FRS3: variants seen among roughly 807,000 people sequenced by gnomAD.
FRS3 encodes the protein fibroblast growth factor receptor substrate 3, also known as FGFR substrate 3.
FRS3 carries 17 observed loss-of-function variants against 41.9 expected under a neutral mutation model. That is an observed-to-expected ratio of 0.41 (90% CI 0.28 to 0.61). The LOEUF (loss-of-function observed/expected upper bound fraction) is 0.61, where lower values mean the gene tolerates loss of function less well. Among genes scored for constraint, FRS3 ranks in the 20% least tolerant of loss-of-function variants. FRS3 has a pLI of 0.36. For missense variants in FRS3, 619 were observed against 672.1 expected, an observed-to-expected ratio of 0.92 and a Z score of 0.87; for synonymous variants, 287 against 274.5, an observed-to-expected ratio of 1.05 and a Z score of -0.45.
intron 3 of FRS3, chr6:41,776,325 A>G (rs1221091408): frequency 6.6e-6 from 1 of 152,616 alleles, no homozygotes; most frequent in Non-Finnish European, 1.5e-5. Flanking sequence ...GCAGCGGTGC[A>G]ATCTCAGCCC....
chr6:41,778,368 G>C (rs1373666205), intron 1 of FRS3, among the ~76,000 whole-genome samples, 192 bp from the exon 2 acceptor site: 1 of 152,170 alleles, frequency 6.6e-6, no homozygotes, highest in Non-Finnish European at 1.5e-5. Context: ...CCCTGAGAGG[G>C]ACAGACACCA....
rs1310888543 is a variant in FRS3, at chr6:41,770,188, A to G, written c.*431T>C. On this transcript the variant is annotated 3_prime_UTR_variant, in exon 7 of 7. Transcript: ENST00000373018. Reference sequence around the variant, plus strand: ...ATATCCACTGGGCCAGAATTTAAAAATAATTATATTAATAATAAATATGTT... The same window carrying G: ...ATATCCACTGGGCCAGAATTTAAAAGTAATTATATTAATAATAAATATGTT... 2 of 152,294 alleles carry G rather than the reference A, an allele frequency of 1.3e-5. No homozygotes were observed. Among genetic ancestry groups the G allele is most frequent in the Non-Finnish European group, 2.9e-5 (2 of 68,164 alleles). The allele number at this position is 152,294 out of a possible 1,614,324, so 9.4% of individuals were successfully genotyped here.
chr6:41,775,564 C>T lies in FRS3; in HGVS notation c.108G>A (p.Gly36=). Residue 36 remains glycine (G), a synonymous_variant, in exon 4 of 7, where the codon GGG becomes GGA. Coordinates refer to ENST00000373018, the MANE Select transcript of FRS3 (RefSeq NM_006653.5). ...GCTCACTCTGCGTCAGCTCCATCAC[C>T]CCAGAGCCCAGCTCCACCCCCTCAT... ...VDDEGVELGS[G]VMELTQSELV... 2 of 1,614,092 alleles carry T rather than the reference C, an allele frequency of 1.2e-6. No homozygotes were observed. The highest frequency in any genetic ancestry group is 1.7e-6 in the Non-Finnish European group (2 of 1,179,970).
At chr6:41,774,881 C>G (rs1336499947) in intron 4 of FRS3, among the ~76,000 whole-genome samples, 1 of 152,082 alleles carries the variant, frequency 6.6e-6, no homozygotes, top group Non-Finnish European at 1.5e-5. Flanking sequence ...TGTAGAGAAC[C>G]CCGTGTTGGG....
chr6:41,772,161 C>T (rs546043369), intron 5 of FRS3, among the ~76,000 whole-genome samples, 197 bp from the exon 6 acceptor site: 1 of 152,312 alleles, frequency 6.6e-6, no homozygotes, highest in East Asian at 1.9e-4. Flanking sequence ...CCTGCCCTTT[C>T]CCTCAAGCTC....
At position 41,779,351 on chromosome 6, in the gene FRS3, CAT is replaced by C. The variant is rs545419505; in HGVS notation, c.-168+463_-168+464del. Among the ~76,000 whole-genome samples the C allele has an allele frequency of 2.0e-3, 303 of 151,912 alleles. 2 individuals are homozygous for C. Among genetic ancestry groups the C allele is most frequent in the African/African-American group, 7.0e-3 (291 of 41,414 alleles). ...AAACGTATGAGGACGTTTGGGGAAA[CAT>C]GAGCAAGAATTTTGGATGTGGGCAT... On this transcript the variant is annotated intron_variant, in intron 1 of 6. Transcript: ENST00000373018.
At position 41,771,014 on chromosome 6, in the gene FRS3, C is replaced by T; in HGVS notation, c.1084G>A (p.Asp362Asn). The change falls in exon 7 of 7, where the codon GAT (aspartate) becomes AAT (asparagine). Residue 362 changes from aspartate (D) to asparagine (N), a missense_variant. This residue lies in a region of FRS3 where 487 missense variants were observed against 478.3 expected (regional missense o/e 1.02). Coordinates refer to ENST00000373018, the MANE Select transcript of FRS3 (RefSeq NM_006653.5). ...GLTPSSNGFP[D>N]GEEDETPLQK... Reference sequence around the variant, plus strand: ...AGTGGGGTCTCGTCCTCCTCACCATCAGGGAAGCCATTGGAAGAGGGTGTG... The same window carrying T: ...AGTGGGGTCTCGTCCTCCTCACCATTAGGGAAGCCATTGGAAGAGGGTGTG... 2 of 1,613,078 alleles carry T rather than the reference C, an allele frequency of 1.2e-6. No individual in the cohort carries two copies. Among genetic ancestry groups the T allele is most frequent in the African/African-American group, 2.7e-5 (2 of 75,014 alleles).
At position 41,771,424 on chromosome 6, in the gene FRS3, C is replaced by T; in HGVS notation, c.674G>A (p.Gly225Glu). The T allele has an allele frequency of 6.2e-7, 1 of 1,612,510 alleles. No homozygotes were observed. Among genetic ancestry groups the T allele is most frequent in the Non-Finnish European group, 8.5e-7 (1 of 1,179,140 alleles). The part of the protein sequence containing the change: ...GQAPFLPQAR[G>E]PDQRDPQVFL... ...CACCTGTGGGTCCCGTTGGTCAGGT[C>T]CCCGGGCCTGCGGGAGGAAGGGTGC... Residue 225 changes from glycine to glutamate, a missense_variant, in exon 7 of 7, where the codon GGA (glycine) becomes GAA (glutamate). Physicochemically the swap from Gly to Glu is moderately conservative, Grantham distance 98 (BLOSUM62 -2). This residue lies in a region of FRS3 where 487 missense variants were observed against 478.3 expected (regional missense o/e 1.02). Transcript: ENST00000373018.
chr6:41,772,499 A>C (rs1772321128), intron 5 of FRS3, among the ~76,000 whole-genome samples: 1 of 152,206 alleles, frequency 6.6e-6, no homozygotes, highest in South Asian at 2.1e-4. Flanking sequence ...AGACAGAGGA[A>C]GAAAGCAAAA....
chr6:41,774,266 A>G (rs1772367167), intron 4 of FRS3, among the ~76,000 whole-genome samples: 1 of 151,958 alleles, frequency 6.6e-6, no homozygotes, highest in African/African-American at 2.4e-5. Context: ...CGAACACTCT[A>G]CCTCACATGC....
intron 4 of FRS3, among the ~76,000 whole-genome samples, chr6:41,775,010 G>C (rs1387343571): frequency 6.6e-6 from 1 of 152,102 alleles, no homozygotes; most frequent in African/African-American, 2.4e-5. Context: ...GAATTCCAAA[G>C]GTAAGATGCA....
rs746300282 is a variant in FRS3 at position 41,770,448 on chromosome 6, C to T, written c.*171G>A. 1.4e-5 allele frequency: 9 copies of T among 637,722 alleles called. No homozygotes were observed. The highest frequency in any genetic ancestry group is 8.2e-5 in the East Asian group (3 of 36,450). The allele number at this position is 637,722 out of a possible 1,614,324, so 39.5% of individuals were successfully genotyped here. ...CAGCCTGGAGACAGACCAGGAGACTCGGTGGCTGATATCTCTGGGGACTCC... is the reference window on the plus strand; with the variant it reads ...CAGCCTGGAGACAGACCAGGAGACTTGGTGGCTGATATCTCTGGGGACTCC... On this transcript the variant is annotated 3_prime_UTR_variant, in exon 7 of 7. Transcript: ENST00000373018.
At position 41,777,227 on chromosome 6, in the gene FRS3, C is replaced by T. The variant is rs555103387; in HGVS notation, c.-23-217G>A. ...GTTACAATGTGTTAAGGATGAATGC[C>T]GATGGGGGGCTGGAGAGAGCTTCTC... is the stretch of plus-strand genomic sequence containing the variant. On this transcript the variant is annotated intron_variant, in intron 2 of 6. Transcript: ENST00000373018. Among the ~76,000 whole-genome samples, 91 of 152,274 alleles carry T rather than the reference C, an allele frequency of 6.0e-4. 2 individuals are homozygous for T. The South Asian group carries it at 0.018, about 30-fold the overall frequency.
In FRS3 at chr6:41,775,527, G is replaced by A. The variant is rs764062747; in HGVS notation, c.145C>T (p.Leu49=). The A allele has an allele frequency of 6.2e-6, 10 of 1,613,980 alleles. No individual in the cohort carries two copies. The South Asian group carries it at 8.8e-5, about 14-fold the overall frequency. ...CAGCGGACGGCCTCACGCCGATGCA[G>A]GTGCAGCACCAGCTCACTCTGCGTC... The part of the protein sequence containing the change: ...ELTQSELVLH[L]HRREAVRWPY... The change falls in exon 4 of 7, where the codon CTG becomes TTG. Residue 49 remains leucine (L), a synonymous_variant. Transcript: ENST00000373018.
chr6:41,777,137 C>A (rs1276809828), intron 2 of FRS3, 127 bp from the exon 3 acceptor site: 1 of 657,978 alleles, frequency 1.5e-6, no homozygotes, highest in South Asian at 1.7e-5. Flanking sequence ...TGATACAGAC[C>A]CCCCCTCAAA....
intron 4 of FRS3, 58 bp from the exon 5 acceptor site, chr6:41,773,017 A>C: frequency 2.1e-6 from 3 of 1,419,004 alleles, no homozygotes; most frequent in Non-Finnish European, 3.0e-6. Flanking sequence ...GAGGAGCTCA[A>C]CAGATGCACA....
Position 41,771,515 on chromosome 6 carries a change from T to A in FRS3, c.583A>T (p.Thr195Ser). 6.5e-7 allele frequency: 1 copy of A among 1,545,840 alleles called. No homozygotes were observed. The highest frequency in any genetic ancestry group is 1.2e-5 in the South Asian group (1 of 82,850). ...PDEQSHTYVN[T>S]PASEDDHRRG... ...CGGTGGTCATCTTCACTGGCCGGTG[T>A]GTTGACATAGGTGTGGGACTGGGGA... The change falls in exon 7 of 7, where the codon ACA becomes TCA. Residue 195 changes from threonine to serine, a missense_variant. Physicochemically the swap from Thr to Ser is moderately conservative, Grantham distance 58 (BLOSUM62 1). This residue lies in a region of FRS3 where 487 missense variants were observed against 478.3 expected (regional missense o/e 1.02). Coordinates refer to ENST00000373018, the MANE Select transcript of FRS3 (RefSeq NM_006653.5).
intron 4 of FRS3, among the ~76,000 whole-genome samples, chr6:41,773,248 G>A (rs973716707): frequency 1.4e-4 from 22 of 151,918 alleles, no homozygotes; most frequent in African/African-American, 4.4e-4. Flanking sequence ...GATTACAGGC[G>A]CCCGCCATTA....
Position 41,770,385 on chromosome 6 carries a change from G to C in FRS3, c.*234C>G. The C allele has an allele frequency of 1.7e-6, 1 of 583,098 alleles. No individual in the cohort carries two copies. The highest frequency in any genetic ancestry group is 3.1e-6 in the Non-Finnish European group (1 of 327,852). The allele number at this position is 583,098 out of a possible 1,614,324, so 36.1% of individuals were successfully genotyped here. ...ATCACAGGAACCCTTCACAGTTGAC[G>C]TCTCGGCTCCCTCCTCGCCTGGTCA... On this transcript the variant is annotated 3_prime_UTR_variant, in exon 7 of 7. Coordinates refer to ENST00000373018, the MANE Select transcript of FRS3 (RefSeq NM_006653.5).
Sources: gnomAD v4.1 joint callset for allele counts (sites outside exome capture counted in the v4.1 genomes callset) on GRCh38, gnomAD v4.1.1 for gene constraint, gnomAD v4.1.1 regional missense constraint, MANE v1.5 for transcripts, NCBI Gene and HGNC (gene_info 2026-07-23, HGNC 2026-07-21) for gene names.